Variants in RAB6A observed in about 807,000 individuals in gnomAD.
RAB6A encodes the protein RAB6A, member RAS oncogene family, also known as ras-related protein Rab-6A.
Under a neutral mutation model 32.3 loss-of-function variants are expected in RAB6A, and 8 were observed. The ratio of observed to expected loss-of-function variants is 0.25; its 90% CI spans 0.15 to 0.45. RAB6A has a LOEUF of 0.45. Ranked by LOEUF, RAB6A falls within the 20% of genes least tolerant of loss-of-function variation. The pLI is 1.00. For missense variants in RAB6A, 104 were observed against 249.4 expected (o/e 0.42, Z 3.93); for synonymous variants, 73 against 82.1 (o/e 0.89, Z 0.60).
chr11:73,750,110 C>G (rs555988226), intron 1 of RAB6A, among the ~76,000 whole-genome samples: 7 of 152,230 alleles, frequency 4.6e-5, no homozygotes, highest in Admixed American at 4.6e-4. Context: ...AGACGTCAGA[C>G]CATGAAAGGG....
intron 6 of RAB6A, among the ~76,000 whole-genome samples, chr11:73,684,702 A>C (rs1194140592): frequency 6.6e-6 from 1 of 152,218 alleles, no homozygotes; most frequent in Non-Finnish European, 1.5e-5. Flanking sequence ...TATTCAGCAC[A>C]TTTCTCTTTC....
chr11:73,688,666 C>T (rs1334731142), intron 6 of RAB6A, among the ~76,000 whole-genome samples: 3 of 152,108 alleles, frequency 2.0e-5, no homozygotes, highest in Non-Finnish European at 2.9e-5. Flanking sequence ...AATATCTTAC[C>T]CCCAAATAAC....
At chr11:73,739,670 A>G (rs1187217507) in intron 1 of RAB6A, among the ~76,000 whole-genome samples, 1 of 152,012 alleles carries the variant, frequency 6.6e-6, no homozygotes, top group Non-Finnish European at 1.5e-5. Flanking sequence ...TTTAAAAGAT[A>G]AGTTTTATAA....
intron 1 of RAB6A, among the ~76,000 whole-genome samples, chr11:73,734,053 A>G (rs1353533757): frequency 6.6e-6 from 1 of 152,124 alleles, no homozygotes; most frequent in East Asian, 1.9e-4. Context: ...ATACTGTGAC[A>G]AGAAGGGCAC....
intron 6 of RAB6A, among the ~76,000 whole-genome samples, chr11:73,703,387 T>C (rs1236562322): frequency 6.6e-6 from 1 of 152,218 alleles, no homozygotes; most frequent in Admixed American, 6.5e-5. Flanking sequence ...TATATTATCA[T>C]TCATTCAATG....
intron 1 of RAB6A, among the ~76,000 whole-genome samples, chr11:73,754,085 G>GA (rs1166002705): frequency 6.6e-6 from 1 of 152,104 alleles, no homozygotes; most frequent in African/African-American, 2.4e-5. Context: ...TATAGATAAG[G>GA]AAAAATGGGG....
At chr11:73,738,693 G>A (rs1946440882) in intron 1 of RAB6A, among the ~76,000 whole-genome samples, 2 of 151,892 alleles carry the variant, frequency 1.3e-5, no homozygotes, top group South Asian at 4.2e-4. Flanking sequence ...GCCAGGAGCG[G>A]TCGCACTTTG....
intron 6 of RAB6A, among the ~76,000 whole-genome samples, chr11:73,703,565 A>G (rs956644922): frequency 6.6e-6 from 1 of 151,964 alleles, no homozygotes; most frequent in Non-Finnish European, 1.5e-5. Context: ...AACGTGGCAA[A>G]ACCCTGTCTC....
intron 2 of RAB6A, chr11:73,729,513 T>G (rs1946273358): frequency 6.6e-6 from 1 of 152,216 alleles, no homozygotes; most frequent in Non-Finnish European, 1.5e-5. Context: ...TTTTTTTATC[T>G]TTTCAAAGAA....
chr11:73,731,717 T>TATATATAC, intron 1 of RAB6A, among the ~76,000 whole-genome samples: 1 of 15,140 alleles, frequency 6.6e-5, no homozygotes, highest in Non-Finnish European at 1.5e-4. Flanking sequence ...TATATATATA[T>TATATATAC]ATATATATAT....
rs559756557 is a variant in RAB6A, at chr11:73,692,308, T to C, written c.496-12588A>G. Reference sequence around the variant, plus strand: ...TCATGAGGTCAGGAGATCAAGACCATCCTGGCTAACAGTGAAACCCCGTCT... The same window carrying C: ...TCATGAGGTCAGGAGATCAAGACCACCCTGGCTAACAGTGAAACCCCGTCT... On this transcript the variant is annotated intron_variant, in intron 6 of 7. Coordinates refer to ENST00000336083, the MANE Select transcript of RAB6A (RefSeq NM_198896.2). 2.8e-4 allele frequency among the ~76,000 whole-genome samples: 42 copies of C among 151,172 alleles called. No individual in the cohort carries two copies. In the South Asian group the frequency reaches 8.0e-3, roughly 29 times the overall value.
intron 1 of RAB6A, 71 bp downstream of exon 1, chr11:73,760,495 G>C: frequency 1.3e-6 from 2 of 1,521,852 alleles, no homozygotes; most frequent in Non-Finnish European, 1.8e-6. Flanking sequence ...TCCGCGGACG[G>C]AAGGGCCGCA....
intron 1 of RAB6A, among the ~76,000 whole-genome samples, chr11:73,736,824 A>AAAAAAAAAAAAAAC (rs1555066487): frequency 6.2e-5 from 9 of 144,596 alleles, no homozygotes; most frequent in Non-Finnish European, 1.1e-4. Flanking sequence ...AAAAAAAAAA[A>AAAAAAAAAAAAAAC]AACAATTAGC....
intron 6 of RAB6A, among the ~76,000 whole-genome samples, chr11:73,692,100 C>T (rs570858756): frequency 6.6e-6 from 1 of 152,290 alleles, no homozygotes; most frequent in Admixed American, 6.5e-5. Flanking sequence ...ATCCACAATA[C>T]TACTCAGCAG....
intron 1 of RAB6A, among the ~76,000 whole-genome samples, chr11:73,759,310 C>G (rs184612690): frequency 6.6e-6 from 1 of 151,738 alleles, no homozygotes; most frequent in Non-Finnish European, 1.5e-5. Context: ...TGTCGAGTGT[C>G]AAGTTTGTAT....
chr11:73,731,326 C>T (rs1209440187), intron 1 of RAB6A, among the ~76,000 whole-genome samples: 2 of 151,886 alleles, frequency 1.3e-5, no homozygotes, highest in Non-Finnish European at 2.9e-5. Flanking sequence ...GGGTGGATCA[C>T]GAGGTCAAGA....
intron 1 of RAB6A, among the ~76,000 whole-genome samples, chr11:73,751,831 G>A (rs1278853568): frequency 2.6e-5 from 4 of 151,904 alleles, no homozygotes; most frequent in Non-Finnish European, 4.4e-5. Context: ...TCTTCTTCAG[G>A]GAATCTGACC....
chr11:73,741,148 C>G (rs539339958), intron 1 of RAB6A, among the ~76,000 whole-genome samples: 3 of 151,780 alleles, frequency 2.0e-5, no homozygotes, highest in African/African-American at 7.3e-5. Context: ...TCCTTCCCCC[C>G]ACCCCCCCAA....
intron 2 of RAB6A, among the ~76,000 whole-genome samples, chr11:73,722,194 T>C (rs1946142845): frequency 6.7e-6 from 1 of 149,226 alleles, no homozygotes; most frequent in South Asian, 2.1e-4. Context: ...CTCCTTTAAT[T>C]TCTCCCAGCA....
Sources: gnomAD v4.1 joint callset for allele counts (sites outside exome capture counted in the v4.1 genomes callset) on GRCh38, gnomAD v4.1.1 for gene constraint, MANE v1.5 for transcripts, NCBI Gene and HGNC (gene_info 2026-07-23, HGNC 2026-07-21) for gene names.